The following SSH2 variants were observed in gnomAD, a reference collection of about 807,000 sequenced individuals.
SSH2 encodes slingshot protein phosphatase 2.
SSH2 carries 37 observed loss-of-function variants against 135.2 expected under a neutral mutation model. That is an observed-to-expected ratio of 0.27 (90% CI 0.21 to 0.36). SSH2 has a LOEUF of 0.36. SSH2 is among the 10% of genes least tolerant of loss of function. The pLI is 1.00. For missense variants in SSH2, 1,408 were observed against 1,765.3 expected (o/e 0.80, Z 3.63); for synonymous variants, 628 against 646.2 (o/e 0.97, Z 0.43).
At chr17:29,677,958 G>A (rs2037799524) in intron 6 of SSH2, among the ~76,000 whole-genome samples, 1 of 152,178 alleles carries the variant, frequency 6.6e-6, no homozygotes. Flanking sequence ...AATATTTAAT[G>A]AAGAAAACTT....
chr17:29,663,257 T>C lies in SSH2; in HGVS notation c.1032+3610A>G, dbSNP rs568469425. 6.6e-5 allele frequency among the ~76,000 whole-genome samples: 10 copies of C among 152,378 alleles called. No homozygotes were observed. The South Asian group carries it at 1.7e-3, about 25-fold the overall frequency. On this transcript the variant is annotated intron_variant, in intron 11 of 15. Coordinates refer to ENST00000540801, the MANE Select transcript of SSH2 (RefSeq NM_001282129.2). Reference sequence around the variant, plus strand: ...CTTCCAAAGGGAAGGAGAAATCCTGTTGCCTCTCTTTACTCAATCTGGTTG... The same window carrying C: ...CTTCCAAAGGGAAGGAGAAATCCTGCTGCCTCTCTTTACTCAATCTGGTTG...
chr17:29,671,427 A>T (rs1395101804), intron 9 of SSH2, among the ~76,000 whole-genome samples: 2 of 152,118 alleles, frequency 1.3e-5, no homozygotes, highest in African/African-American at 4.8e-5. Flanking sequence ...GGCTGCAGTG[A>T]GCTATGATTG....
chr17:29,824,269 T>C (rs779057860), intron 2 of SSH2, among the ~76,000 whole-genome samples: 25 of 152,244 alleles, frequency 1.6e-4, no homozygotes, highest in Admixed American at 3.9e-4. Flanking sequence ...CTTCAGTGGC[T>C]GAACTTTATC....
At chr17:29,720,626 A>G (rs747887896) in intron 3 of SSH2, among the ~76,000 whole-genome samples, 8 of 152,306 alleles carry the variant, frequency 5.3e-5, no homozygotes, top group Non-Finnish European at 1.0e-4. Flanking sequence ...AATGCATATT[A>G]CAGATCCCTT....
chr17:29,724,544 A>C (rs960920339), intron 3 of SSH2, among the ~76,000 whole-genome samples: 2 of 149,844 alleles, frequency 1.3e-5, no homozygotes, highest in African/African-American at 4.9e-5. Context: ...AAAAAAAAAA[A>C]AACAAAACCC....
At chr17:29,928,853 C>A (rs182201508) in intron 1 of SSH2, among the ~76,000 whole-genome samples, 1 of 149,942 alleles carries the variant, frequency 6.7e-6, no homozygotes, top group Admixed American at 6.7e-5. Context: ...TATTAAATAC[C>A]TTTTTTTGCA....
intron 4 of SSH2, among the ~76,000 whole-genome samples, chr17:29,698,748 C>T (rs1309685563): frequency 6.6e-6 from 1 of 152,152 alleles, no homozygotes; most frequent in Non-Finnish European, 1.5e-5. Context: ...CTGTCTGCCT[C>T]GGCCTCCCAA....
intron 3 of SSH2, among the ~76,000 whole-genome samples, chr17:29,778,410 C>T (rs1423068061): frequency 1.3e-5 from 2 of 152,046 alleles, no homozygotes; most frequent in African/African-American, 2.4e-5. Flanking sequence ...GAGGCTGAGG[C>T]GGGAGGATCA....
chr17:29,902,509 T>C (rs563283910), intron 1 of SSH2, among the ~76,000 whole-genome samples: 97 of 152,006 alleles, frequency 6.4e-4, no homozygotes, highest in Non-Finnish European at 9.6e-4. Flanking sequence ...TCACCCTACC[T>C]ATCATCTACT....
At chr17:29,889,764 A>G (rs2066312095) in intron 1 of SSH2, among the ~76,000 whole-genome samples, 1 of 149,198 alleles carries the variant, frequency 6.7e-6, no homozygotes, top group Non-Finnish European at 1.5e-5. Flanking sequence ...AAATGAGCAA[A>G]GGCCAGCCTG....
chr17:29,831,775 T>C (rs2042848991), intron 2 of SSH2, among the ~76,000 whole-genome samples: 1 of 152,098 alleles, frequency 6.6e-6, no homozygotes, highest in Non-Finnish European at 1.5e-5. Context: ...AGACGGGGTT[T>C]CGCCATGTTG....
chr17:29,632,963 C>G, intron 15 of SSH2, 32 bp from the exon 16 acceptor site: 1 of 1,548,468 alleles, frequency 6.5e-7, no homozygotes, highest in Non-Finnish European at 8.7e-7. Flanking sequence ...AAGATTATGG[C>G]AAACTGTAGT....
chr17:29,849,856 G>GTATATA (rs59297985), intron 1 of SSH2, among the ~76,000 whole-genome samples: 39 of 118,110 alleles, frequency 3.3e-4, no homozygotes, highest in East Asian at 1.7e-3. Context: ...AAAAAAAAAA[G>GTATATA]TATATATATA....
intron 5 of SSH2, among the ~76,000 whole-genome samples, chr17:29,692,820 C>G (rs553784320): frequency 1.3e-5 from 2 of 152,124 alleles, no homozygotes; most frequent in African/African-American, 4.8e-5. Flanking sequence ...AGCAGTGTTT[C>G]GAAACTGGCT....
Position 29,631,014 on chromosome 17 carries a change from T to G in SSH2, c.4180A>C (p.Ser1394Arg). 6.2e-7 allele frequency: 1 copy of G among 1,614,068 alleles called. No homozygotes were observed. Among genetic ancestry groups the G allele is most frequent in the Non-Finnish European group, 8.5e-7 (1 of 1,179,890 alleles). ...AGCACGGGAAGGCCTCCTTCAGAAC[T>G]AGTCAATTCAAGTCCTGCCCTGGGG... ...LLPRAGLELT[S>R]SEGGLPVLQT... Residue 1394 changes from serine (S) to arginine (R), a missense_variant, in exon 16 of 16, where the codon AGT (serine) becomes CGT (arginine). Ser to Arg is a moderately radical substitution (Grantham distance 110, BLOSUM62 -1). Transcript: ENST00000540801.
At chr17:29,641,832 G>A in intron 14 of SSH2, 1 of 151,994 alleles carries the variant, frequency 6.6e-6, no homozygotes, top group Non-Finnish European at 1.5e-5. Flanking sequence ...TGCTAAAAAT[G>A]GAGTACTTGC....
intron 3 of SSH2, among the ~76,000 whole-genome samples, chr17:29,761,881 A>ATTT (rs1174531285): frequency 3.4e-4 from 45 of 130,574 alleles, no homozygotes; most frequent in African/African-American, 1.3e-3. Flanking sequence ...GTATATATAT[A>ATTT]TATATATTTT....
chr17:29,696,620 TATACACACACAC>T (rs1159186960), intron 4 of SSH2, among the ~76,000 whole-genome samples: 1 of 136,014 alleles, frequency 7.4e-6, no homozygotes, highest in Non-Finnish European at 1.6e-5. Context: ...TACATATATA[TATACACACACAC>T]ACACACACAC....
At chr17:29,863,624 G>C (rs982762980) in intron 1 of SSH2, 1 of 152,198 alleles carries the variant, frequency 6.6e-6, no homozygotes, top group East Asian at 1.9e-4. Context: ...TGGTAGAGCA[G>C]ACAGACAGAA....
Sources: allele counts gnomAD v4.1 joint callset (sites outside exome capture counted in the v4.1 genomes callset), GRCh38; gene constraint gnomAD v4.1.1; transcripts MANE v1.5; gene names NCBI Gene and HGNC (gene_info 2026-07-23, HGNC 2026-07-21).